The following UGT1A9 variants were observed in gnomAD, a reference collection of about 807,000 sequenced individuals.
UGT1A9 encodes UDP-glucuronosyltransferase 1A9.
Under a neutral mutation model 45.0 loss-of-function variants are expected in UGT1A9, and 35 were observed. The ratio of observed to expected loss-of-function variants is 0.78; its 90% CI spans 0.59 to 1.03. The LOEUF is 1.03. Ranked by LOEUF, UGT1A9 falls within the 50% of genes least tolerant of loss-of-function variation. The pLI is 0.00. For missense variants in UGT1A9, 687 were observed against 666.6 expected, an observed-to-expected ratio of 1.03 and a Z score of -0.34; for synonymous variants, 278 against 250.6, an observed-to-expected ratio of 1.11 and a Z score of -1.03.
intron 1 of UGT1A9, chr2:233,756,022 T>C (rs1696092015): frequency 6.6e-6 from 1 of 152,142 alleles, no homozygotes; most frequent in Non-Finnish European, 1.5e-5. Context: ...ATATTACACA[T>C]CCCCCATGTA....
At chr2:233,758,650 G>A (rs1202453447) in intron 1 of UGT1A9, among the ~76,000 whole-genome samples, 3 of 152,060 alleles carry the variant, frequency 2.0e-5, no homozygotes, top group Admixed American at 6.6e-5. Flanking sequence ...AAGAATGAGA[G>A]GGTACCCTAA....
rs1699951118 is a variant in UGT1A9, at chr2:233,769,835, G to A, written c.1295+1396G>A. The A allele has an allele frequency of 3.1e-6, 2 of 640,066 alleles. No individual in the cohort carries two copies. The highest frequency in any genetic ancestry group is 2.3e-6 in the Non-Finnish European group (1 of 426,370). The allele number at this position is 640,066 out of a possible 1,614,324, so 39.6% of individuals were successfully genotyped here. A position where few individuals can be genotyped will look rare whatever the true frequency, so the allele number is the denominator to read the frequency against. On this transcript the variant is annotated intron_variant, in intron 4 of 4. Coordinates refer to ENST00000354728, the MANE Select transcript of UGT1A9 (RefSeq NM_021027.3). The surrounding 1 kb of genome is among the most constrained non-coding windows in gnomAD (Gnocchi z 4.4). ...ATGCCACTGCACTCCAGCAACCTGG[G>A]CAACAGAGTGAGACCCTGTCTCAAA...
chr2:233,724,213 C>A (rs2077189704), intron 1 of UGT1A9, among the ~76,000 whole-genome samples: 1 of 128,892 alleles, frequency 7.8e-6, no homozygotes, highest in Non-Finnish European at 1.7e-5. Flanking sequence ...CTGAGGGGCT[C>A]CTCACTTCCC....
At chr2:233,745,962 G>A (rs1693268115) in intron 1 of UGT1A9, among the ~76,000 whole-genome samples, 2 of 151,772 alleles carry the variant, frequency 1.3e-5, no homozygotes, top group Admixed American at 1.3e-4. Context: ...GGGGGACAGG[G>A]GCCCTGAAAT....
chr2:233,719,979 C>T (rs2076818736), intron 1 of UGT1A9, among the ~76,000 whole-genome samples: 1 of 152,162 alleles, frequency 6.6e-6, no homozygotes, highest in Non-Finnish European at 1.5e-5. Flanking sequence ...TTCAGCTCGG[C>T]AGGATCAGGG....
chr2:233,699,767 G>A (rs563489772), intron 1 of UGT1A9, among the ~76,000 whole-genome samples: 2 of 152,322 alleles, frequency 1.3e-5, no homozygotes, highest in South Asian at 4.1e-4. Context: ...CTCAGGACTA[G>A]TTCTGTTCCC....
At chr2:233,744,245 C>T (rs1692747856) in intron 1 of UGT1A9, among the ~76,000 whole-genome samples, 1 of 151,742 alleles carries the variant, frequency 6.6e-6, no homozygotes, top group Non-Finnish European at 1.5e-5. Flanking sequence ...ACTTTGGCTG[C>T]CTGAAGAACT....
chr2:233,762,210 G>A (rs190920095), intron 1 of UGT1A9, among the ~76,000 whole-genome samples: 9 of 152,170 alleles, frequency 5.9e-5, no homozygotes, highest in Non-Finnish European at 7.4e-5. Context: ...TGTATTTGGC[G>A]CCCCATAAAT....
intron 1 of UGT1A9, among the ~76,000 whole-genome samples, chr2:233,676,736 C>A (rs2074369528): frequency 6.6e-6 from 1 of 152,132 alleles, no homozygotes; most frequent in African/African-American, 2.4e-5. Flanking sequence ...CTGATGTTTT[C>A]ATCGTGGTAA....
chr2:233,688,361 T>C (rs1481514327), intron 1 of UGT1A9, among the ~76,000 whole-genome samples: 1 of 152,258 alleles, frequency 6.6e-6, no homozygotes, highest in Admixed American at 6.5e-5. Flanking sequence ...AAAATAATGT[T>C]GTTGTGAACA....
Position 233,742,959 on chromosome 2 carries a change from T to C in UGT1A9, c.856-24075T>C, listed in dbSNP as rs191993803. ...TCCTACCACTAGCAAATAATCATTG[T>C]CTGCCTCAGGCTTAAGTTTAATAAA... is the stretch of plus-strand genomic sequence containing the variant. On this transcript the variant is annotated intron_variant, in intron 1 of 4. Coordinates refer to ENST00000354728, the MANE Select transcript of UGT1A9 (RefSeq NM_021027.3). 2.6e-4 allele frequency: 57 copies of C among 217,402 alleles called. No individual in the cohort carries two copies. In the East Asian group the frequency reaches 5.8e-3, roughly 22 times the overall value. The allele number at this position is 217,402 out of a possible 1,614,324, so 13.5% of individuals were successfully genotyped here.
At chr2:233,761,199 A>C in intron 1 of UGT1A9, 1 of 1,614,054 alleles carries the variant, frequency 6.2e-7, no homozygotes, top group Non-Finnish European at 8.5e-7. Flanking sequence ...TTTCAGATGT[A>C]TTACTTTGGA....
In UGT1A9 at chr2:233,767,159, T is replaced by G. The variant is rs1291449017; in HGVS notation, c.981T>G (p.Pro327=). 1.2e-6 allele frequency: 2 copies of G among 1,613,988 alleles called. No homozygotes were observed. Among genetic ancestry groups the G allele is most frequent in the East Asian group, 4.5e-5 (2 of 44,876 alleles). ...TTGCTGATGCTTTGGGCAAAATCCCTCAGACAGTAAGAAGATTCTATACCA... is the reference window on the plus strand; with the variant it reads ...TTGCTGATGCTTTGGGCAAAATCCCGCAGACAGTAAGAAGATTCTATACCA... ...MAIADALGKI[P]QTVLWRYTGT... Residue 327 remains proline (P), a synonymous_variant, in exon 2 of 5, where the codon CCT becomes CCG. Coordinates refer to ENST00000354728, the MANE Select transcript of UGT1A9 (RefSeq NM_021027.3).
chr2:233,760,700 C>T, intron 1 of UGT1A9: 4 of 1,614,194 alleles, frequency 2.5e-6, no homozygotes, highest in Non-Finnish European at 3.4e-6. Context: ...GAGCTCATGG[C>T]CTCCCTGGCA....
intron 1 of UGT1A9, among the ~76,000 whole-genome samples, chr2:233,702,130 C>T (rs1460341129): frequency 2.0e-5 from 3 of 152,142 alleles, no homozygotes; most frequent in South Asian, 2.1e-4. Context: ...CATTTTCAGT[C>T]ACTCCCAAAG....
chr2:233,743,245 C>T, intron 1 of UGT1A9: 3 of 429,418 alleles, frequency 7.0e-6, no homozygotes, highest in Admixed American at 3.0e-5. Context: ...AGGACTTTAA[C>T]TCAACTCTCC....
chr2:233,745,619 A>G (rs976825900), intron 1 of UGT1A9, among the ~76,000 whole-genome samples: 4 of 151,618 alleles, frequency 2.6e-5, no homozygotes, highest in Non-Finnish European at 5.9e-5. Context: ...CACACAATGA[A>G]CAGTCATAGA....
At chr2:233,772,225 G>A in intron 4 of UGT1A9, 37 bp from the exon 5 acceptor site, 2 of 1,613,382 alleles carry the variant, frequency 1.2e-6, no homozygotes, top group Non-Finnish European at 1.7e-6. Flanking sequence ...TCATACCACA[G>A]GTGTTCCAGG....
Position 233,769,129 on chromosome 2 carries a change from C to T in UGT1A9, c.1295+690C>T, listed in dbSNP as rs1228379721. Among the ~76,000 whole-genome samples, 1 of 152,120 alleles carries T rather than the reference C, an allele frequency of 6.6e-6. No homozygotes were observed. The highest frequency in any genetic ancestry group is 1.9e-4 in the East Asian group (1 of 5,198). On this transcript the variant is annotated intron_variant, in intron 4 of 4. Coordinates refer to ENST00000354728, the MANE Select transcript of UGT1A9 (RefSeq NM_021027.3). This position sits in a 1 kb window ranked among gnomAD's most constrained non-coding sequence, Gnocchi z 4.4. ...AAAACAACTCAAATGCTTAGAAGTA[C>T]AGCTTTTTGCAGCACTGGAACCTGT...
Sources: allele counts gnomAD v4.1 joint callset (sites outside exome capture counted in the v4.1 genomes callset), GRCh38; gene constraint gnomAD v4.1.1; non-coding constraint Gnocchi (gnomAD v3.1); transcripts MANE v1.5; gene names NCBI Gene and HGNC (gene_info 2026-07-23, HGNC 2026-07-21).